Variants in TDRD3 observed in about 807,000 individuals in gnomAD.
The protein encoded by TDRD3 is tudor domain-containing protein 3.
Under a neutral mutation model 86.7 loss-of-function variants are expected in TDRD3, and 45 were observed. The ratio of observed to expected loss-of-function variants is 0.52; its 90% confidence interval spans 0.41 to 0.67. TDRD3 has a LOEUF of 0.67. Among genes scored for constraint, TDRD3 ranks in the 30% least tolerant of loss-of-function variants. The pLI is 0.00. For synonymous variants in TDRD3, 298 were observed against 301.7 expected (o/e 0.99, Z 0.13); for missense variants, 814 against 889.0 (o/e 0.92, Z 1.07).
At chr13:60,503,885 C>T (rs1956883407) in intron 8 of TDRD3, among the ~76,000 whole-genome samples, 1 of 152,164 alleles carries the variant, frequency 6.6e-6, no homozygotes, top group Admixed American at 6.5e-5. Flanking sequence ...TAAATGAAAC[C>T]TTATAGACGA....
At chr13:60,564,859 TTAAA>T (rs1958413161) in intron 12 of TDRD3, among the ~76,000 whole-genome samples, 1 of 152,098 alleles carries the variant, frequency 6.6e-6, no homozygotes, top group Non-Finnish European at 1.5e-5. Context: ...AAGCTGTGTG[TTAAA>T]TAAAGAGGAA....
At chr13:60,434,303 C>T (rs944273733) in intron 1 of TDRD3, among the ~76,000 whole-genome samples, 3 of 151,836 alleles carry the variant, frequency 2.0e-5, no homozygotes, top group Middle Eastern at 3.4e-3. Flanking sequence ...AATCTCATCT[C>T]TATAAAATAA....
intron 12 of TDRD3, among the ~76,000 whole-genome samples, chr13:60,553,949 G>GT (rs1382332533): frequency 1.3e-4 from 20 of 152,146 alleles, no homozygotes; most frequent in Non-Finnish European, 2.2e-4. Flanking sequence ...AAGTAAACTA[G>GT]TTTTTCTCAC....
chr13:60,469,760 C>T (rs1236867159), intron 5 of TDRD3, among the ~76,000 whole-genome samples: 1 of 152,112 alleles, frequency 6.6e-6, no homozygotes, highest in Non-Finnish European at 1.5e-5. Flanking sequence ...ATTCAGTAAA[C>T]TATATGCAGG....
At chr13:60,408,359 A>C (rs1162739092) in intron 1 of TDRD3, among the ~76,000 whole-genome samples, 1 of 152,224 alleles carries the variant, frequency 6.6e-6, no homozygotes, top group Admixed American at 6.5e-5. Context: ...AAGATACCCA[A>C]AAATGTGGAA....
rs767660262 is a variant in TDRD3, at chr13:60,418,105, G to A, written c.41+20700G>A. Among the ~76,000 whole-genome samples the A allele has an allele frequency of 6.7e-4, 102 of 152,054 alleles. 1 individual carries two copies. Among genetic ancestry groups the A allele is most frequent in the Admixed American group, 7.2e-4 (11 of 15,262 alleles). On this transcript the variant is annotated intron_variant, in intron 1 of 13. Transcript: ENST00000377881. ...ACAGGATGAAGTCTGTCTTACAAAGGTATGCATAGCCTCTTGTTTCTTTGT... is the reference window on the plus strand; with the variant it reads ...ACAGGATGAAGTCTGTCTTACAAAGATATGCATAGCCTCTTGTTTCTTTGT...
In TDRD3 at chr13:60,528,753, G is replaced by C; in HGVS notation, c.1528G>C (p.Gly510Arg). The change falls in exon 11 of 14, where the codon GGT becomes CGT. Residue 510 changes from glycine (G) to arginine (R), a missense_variant. Physicochemically the swap from Gly to Arg is moderately radical, Grantham distance 125. Transcript: ENST00000377881. ...CTCTATGCAAAGCAGATCAGGAAAA[G>C]GTCCCTCCTTTGCAGAGGCAAAAGA... ...DNSMQSRSGK[G>R]PSFAEAKENP... 6.2e-7 allele frequency: 1 copy of C among 1,613,268 alleles called. No homozygotes were observed. The highest frequency in any genetic ancestry group is 8.5e-7 in the Non-Finnish European group (1 of 1,179,798).
At chr13:60,425,747 A>G (rs987155612) in intron 1 of TDRD3, among the ~76,000 whole-genome samples, 1 of 152,040 alleles carries the variant, frequency 6.6e-6, no homozygotes, top group Non-Finnish European at 1.5e-5. Context: ...AGACAGCAAG[A>G]CCAACCCCTC....
At chr13:60,442,610 T>C (rs1056791324) in intron 2 of TDRD3, among the ~76,000 whole-genome samples, 3 of 152,092 alleles carry the variant, frequency 2.0e-5, no homozygotes, top group African/African-American at 7.2e-5. Flanking sequence ...AAAGATTTGG[T>C]AGATCATTTT....
intron 5 of TDRD3, among the ~76,000 whole-genome samples, chr13:60,479,816 T>G (rs1956272648): frequency 6.6e-6 from 1 of 152,202 alleles, no homozygotes; most frequent in Non-Finnish European, 1.5e-5. Context: ...AGAAGAATAG[T>G]GACCCCTGCT....
At chr13:60,523,180 C>G (rs1479104044) in intron 10 of TDRD3, among the ~76,000 whole-genome samples, 1 of 152,058 alleles carries the variant, frequency 6.6e-6, no homozygotes, top group East Asian at 1.9e-4. Flanking sequence ...GAGGATTAGT[C>G]TTGGGAAACA....
chr13:60,405,108 C>T (rs552081077), intron 1 of TDRD3, among the ~76,000 whole-genome samples: 3 of 152,244 alleles, frequency 2.0e-5, no homozygotes, highest in South Asian at 2.1e-4. Context: ...GTAAATTGCC[C>T]GGTCTCAGGT....
rs1367523718 is a variant in TDRD3, at chr13:60,535,209, C to T, written c.2094C>T (p.Ile698=). 1 of 1,613,494 alleles carries T rather than the reference C, an allele frequency of 6.2e-7. No individual in the cohort carries two copies. Among genetic ancestry groups the T allele is most frequent in the Admixed American group, 1.7e-5 (1 of 59,966 alleles). ...GNYEEVLLSN[I]KPIQTEAWEE... is the part of the protein sequence containing the mutation. Reference sequence around the variant, plus strand: ...ATGAAGAGGTGCTACTGAGCAATATCAAGCCCATTCAAACAGAGGCATGGG... The same window carrying T: ...ATGAAGAGGTGCTACTGAGCAATATTAAGCCCATTCAAACAGAGGCATGGG... The change falls in exon 12 of 14, where the codon ATC becomes ATT. Residue 698 remains isoleucine, a synonymous_variant. Coordinates refer to ENST00000377881, the MANE Select transcript of TDRD3 (RefSeq NM_001146070.2).
At chr13:60,435,706 A>G (rs1955071543) in intron 1 of TDRD3, among the ~76,000 whole-genome samples, 1 of 152,262 alleles carries the variant, frequency 6.6e-6, no homozygotes, top group South Asian at 2.1e-4. Context: ...CATCTTTGCA[A>G]CTGGCAAATT....
At chr13:60,539,180 C>T (rs760554131) in intron 12 of TDRD3, among the ~76,000 whole-genome samples, 3 of 152,026 alleles carry the variant, frequency 2.0e-5, no homozygotes, top group Non-Finnish European at 4.4e-5. Context: ...GTAGAATACT[C>T]ATTTATTCAA....
Position 60,497,600 on chromosome 13 carries a change from C to T in TDRD3, c.858+3025C>T, listed in dbSNP as rs148702946. 7.5e-3 allele frequency among the ~76,000 whole-genome samples: 1,149 copies of T among 152,238 alleles called. 18 individuals carry two copies. The highest frequency in any genetic ancestry group is 0.027 in the African/African-American group (1,112 of 41,512). On this transcript the variant is annotated intron_variant, in intron 8 of 13. Coordinates refer to ENST00000377881, the MANE Select transcript of TDRD3 (RefSeq NM_001146070.2). ...GAAATTGTGGAAAAACAGACACAAG[C>T]TCTTATCATGTGAGTGGCTGACATG...
chr13:60,501,359 A>G lies in TDRD3; in HGVS notation c.858+6784A>G, dbSNP rs146447241. Among the ~76,000 whole-genome samples the G allele has an allele frequency of 5.0e-3, 756 of 152,262 alleles. 3 individuals are homozygous for G. Among genetic ancestry groups the G allele is most frequent in the Middle Eastern group, 0.024 (7 of 294 alleles). The stretch of plus-strand genomic sequence containing the variant: ...GTCCATGCATTGTTCTGTCTACAGC[A>G]CCATTTGGAGTTTGATTGCTGTCAG... On this transcript the variant is annotated intron_variant, in intron 8 of 13. Transcript: ENST00000377881.
intron 10 of TDRD3, among the ~76,000 whole-genome samples, chr13:60,512,974 C>G (rs914812356): frequency 2.0e-5 from 3 of 152,352 alleles, no homozygotes; most frequent in Admixed American, 1.3e-4. Flanking sequence ...TCTGACTCCA[C>G]ATTTCCCTTC....
rs1327013644 is a variant in TDRD3 at position 60,529,209 on chromosome 13, GACA to G, written c.1989_1991del (p.Asn663del). On this transcript the variant is annotated inframe_deletion, in exon 11 of 14. Coordinates refer to ENST00000377881, the MANE Select transcript of TDRD3 (RefSeq NM_001146070.2). ...TGAATGTTTTGCACTTTATTGGGAA[GACA>G]ACAAGGTATGGATGCTTTAAAGATA... 1.3e-6 allele frequency: 2 copies of G among 1,595,646 alleles called. No homozygotes were observed.
Sources: allele counts gnomAD v4.1 joint callset (sites outside exome capture counted in the v4.1 genomes callset), GRCh38; gene constraint gnomAD v4.1.1; transcripts MANE v1.5; gene names NCBI Gene and HGNC (gene_info 2026-07-23, HGNC 2026-07-21).